KANSL1: variants seen among roughly 807,000 people sequenced by gnomAD.
KANSL1 encodes the protein KAT8 regulatory NSL complex subunit 1.
Under a neutral mutation model 103.6 loss-of-function variants are expected in KANSL1, and 22 were observed. That is an observed-to-expected ratio of 0.21 (90% CI 0.15 to 0.30). The LOEUF is 0.30. Ranked by LOEUF, KANSL1 falls within the 10% of genes least tolerant of loss-of-function variation. The pLI is 1.00. For synonymous variants in KANSL1, 600 were observed against 527.6 expected, an observed-to-expected ratio of 1.14 and a Z score of -1.88; for missense variants, 1,337 against 1,399.8, an observed-to-expected ratio of 0.96 and a Z score of 0.72.
chr17:46,203,573 C>A (rs1004757066), intron 1 of KANSL1, among the ~76,000 whole-genome samples: 5 of 152,140 alleles, frequency 3.3e-5, no homozygotes, highest in African/African-American at 1.2e-4. Flanking sequence ...AAGAAAAATC[C>A]TTTCTACTCA....
intron 10 of KANSL1, 189 bp from the exon 11 acceptor site, chr17:46,034,474 A>C: frequency 1.8e-6 from 1 of 550,836 alleles, no homozygotes; most frequent in Non-Finnish European, 3.2e-6. Context: ...ACGGAGAAAT[A>C]CCAGGTGGTC....
chr17:46,186,185 C>T (rs1288054423), intron 1 of KANSL1, among the ~76,000 whole-genome samples: 1 of 150,658 alleles, frequency 6.6e-6, no homozygotes, highest in African/African-American at 2.5e-5. Flanking sequence ...ACCATCCTGG[C>T]TAACACAGTG....
At chr17:46,124,919 GA>G (rs1273649816) in intron 2 of KANSL1, among the ~76,000 whole-genome samples, 1 of 150,540 alleles carries the variant, frequency 6.6e-6, no homozygotes, top group Non-Finnish European at 1.5e-5. Flanking sequence ...GACACAGGTC[GA>G]AAAAGTAACT....
At chr17:46,085,199 A>G (rs1225638963) in intron 3 of KANSL1, among the ~76,000 whole-genome samples, 1 of 152,204 alleles carries the variant, frequency 6.6e-6, no homozygotes, top group Non-Finnish European at 1.5e-5. Context: ...ATTAGTCAGT[A>G]GAAGGTTAAA....
At chr17:46,040,508 T>A (rs1193975695) in intron 7 of KANSL1, 1 of 152,278 alleles carries the variant, frequency 6.6e-6, no homozygotes, top group African/African-American at 2.4e-5. Flanking sequence ...TTCCCAAGAA[T>A]ATATCCTTGA....
At chr17:46,058,117 G>A (rs1380421755) in intron 6 of KANSL1, among the ~76,000 whole-genome samples, 4 of 152,172 alleles carry the variant, frequency 2.6e-5, no homozygotes, top group Non-Finnish European at 5.9e-5. Flanking sequence ...ACTGAAAATT[G>A]CAAGGCAAAA....
rs71138525 is a variant in KANSL1, at chr17:46,096,311, C to CTTTTTTTT, written c.1290-1618_1290-1611dup. On this transcript the variant is annotated intron_variant, in intron 2 of 14. Transcript: ENST00000432791. ...CATACTACATACCTGGCTTTTTTTT[C>CTTTTTTTT]TTTTTTTTTTTTTTTTTTTTTGAGA... Among the ~76,000 whole-genome samples, 215 of 76,318 alleles carry CTTTTTTTT rather than the reference C, an allele frequency of 2.8e-3. 6 individuals are homozygous for CTTTTTTTT. The highest frequency in any genetic ancestry group is 5.6e-3 in the African/African-American group (100 of 17,838). 50.1% of individuals were successfully genotyped at this position (76,318 alleles called of 152,430 possible). A position where few individuals can be genotyped will look rare whatever the true frequency, so the allele number is the denominator to read the frequency against.
intron 2 of KANSL1, among the ~76,000 whole-genome samples, chr17:46,098,814 A>G (rs1443076119): frequency 6.6e-6 from 1 of 152,250 alleles, no homozygotes. Context: ...CATCATCTCC[A>G]ATGAAAAATG....
chr17:46,126,449 A>G (rs1405579611), intron 2 of KANSL1, among the ~76,000 whole-genome samples: 1 of 152,058 alleles, frequency 6.6e-6, no homozygotes, highest in African/African-American at 2.4e-5. Flanking sequence ...TCAAAAAAAA[A>G]GTAAAAGTCT....
chr17:46,045,522 C>T (rs2146428756), intron 7 of KANSL1: 1 of 151,724 alleles, frequency 6.6e-6, no homozygotes, highest in East Asian at 1.9e-4. Flanking sequence ...TAGCTAGAAG[C>T]TCTTCGTGTG....
chr17:46,149,804 G>A (rs1320899691), intron 2 of KANSL1, among the ~76,000 whole-genome samples: 6 of 151,664 alleles, frequency 4.0e-5, no homozygotes, highest in South Asian at 2.1e-4. Context: ...TCAGGAGATC[G>A]AGACCATCCT....
chr17:46,062,787 C>T (rs1407125954), intron 6 of KANSL1, among the ~76,000 whole-genome samples: 2 of 151,808 alleles, frequency 1.3e-5, no homozygotes, highest in Non-Finnish European at 2.9e-5. Flanking sequence ...TGGTGGCTCA[C>T]GCCTGTAATC....
intron 4 of KANSL1, among the ~76,000 whole-genome samples, chr17:46,080,718 C>G (rs1032309287): frequency 2.0e-5 from 3 of 150,318 alleles, no homozygotes; most frequent in Admixed American, 6.6e-5. Context: ...CCCCACCCCC[C>G]AACCCCTGTC....
rs2147754896 is a variant in KANSL1, at chr17:46,172,241, G to A, written c.-89-9C>T. 1.7e-6 allele frequency: 2 copies of A among 1,152,980 alleles called. No homozygotes were observed. The highest frequency in any genetic ancestry group is 5.3e-5 in the East Asian group (2 of 37,778). The allele number at this position is 1,152,980 out of a possible 1,614,324, so 71.4% of individuals were successfully genotyped here. A position where few individuals can be genotyped will look rare whatever the true frequency, so the allele number is the denominator to read the frequency against. On this transcript the variant is annotated splice_polypyrimidine_tract_variant and intron_variant, in intron 1 of 14. Transcript: ENST00000432791. ...CCTCCCCAGAGAACAGACTAGAAGA[G>A]AAAGGAGAAAAGAATATTAGAAATA...
At chr17:46,118,711 T>TA (rs745542213) in intron 2 of KANSL1, among the ~76,000 whole-genome samples, 77 of 152,284 alleles carry the variant, frequency 5.1e-4, no homozygotes, top group Non-Finnish European at 9.3e-4. Context: ...ACAGGATACT[T>TA]AAACAATATT....
intron 2 of KANSL1, among the ~76,000 whole-genome samples, chr17:46,123,025 C>T (rs1201432390): frequency 6.6e-6 from 1 of 152,214 alleles, no homozygotes; most frequent in Non-Finnish European, 1.5e-5. Flanking sequence ...CGCTTTAAAT[C>T]AAAAGCTAGA....
intron 2 of KANSL1, among the ~76,000 whole-genome samples, chr17:46,148,664 G>A (rs2696585): frequency 0.15 from 21,862 of 150,250 alleles, 2,130 homozygotes; most frequent in Middle Eastern, 0.22. Flanking sequence ...TCAGATCACT[G>A]CAACCTCTAC....
intron 2 of KANSL1, among the ~76,000 whole-genome samples, chr17:46,144,619 C>A (rs1367502587): frequency 6.6e-6 from 1 of 151,972 alleles, no homozygotes; most frequent in South Asian, 2.1e-4. Context: ...GGGGGTACCA[C>A]GTGGAAATTA....
In KANSL1 at chr17:46,032,119, A is replaced by G. The variant is rs1161784897; in HGVS notation, c.3018T>C (p.Ala1006=). ...ELHSAPLTPV[A]RDTPRHLASE... ...TGGCTAAGTGTCGCGGAGTGTCCCG[A>G]GCCACAGGGGTGAGGGGTGCTGAGT... The change falls in exon 14 of 15, where the codon GCT becomes GCC. Residue 1006 remains alanine, a synonymous_variant. Transcript: ENST00000432791. 4.3e-6 allele frequency: 7 copies of G among 1,614,060 alleles called. No individual in the cohort carries two copies. Among genetic ancestry groups the G allele is most frequent in the Non-Finnish European group, 5.9e-6 (7 of 1,179,986 alleles).
Sources: allele counts gnomAD v4.1 joint callset (sites outside exome capture counted in the v4.1 genomes callset), GRCh38; gene constraint gnomAD v4.1.1; transcripts MANE v1.5; gene names NCBI Gene and HGNC (gene_info 2026-07-23, HGNC 2026-07-21).